PIN1: variants seen among roughly 807,000 people sequenced by gnomAD.
The protein encoded by PIN1 is peptidylprolyl cis/trans isomerase, NIMA-interacting 1.
Under a neutral mutation model 19.9 loss-of-function variants are expected in PIN1, and 8 were observed. The ratio of observed to expected loss-of-function variants is 0.40; its 90% CI spans 0.24 to 0.72. The LOEUF (loss-of-function observed/expected upper bound fraction) is 0.72. Ranked by LOEUF, PIN1 falls within the 30% of genes least tolerant of loss-of-function variation. The probability of loss-of-function intolerance (pLI) is 0.37; values close to 1 mark genes in which losing one functional copy is unlikely to be tolerated. For synonymous variants in PIN1, 86 were observed against 90.8 expected (o/e 0.95, Z 0.30); for missense variants, 185 against 226.5 (o/e 0.82, Z 1.18).
intron 2 of PIN1, among the ~76,000 whole-genome samples, chr19:9,843,918 C>T (rs1367054099): frequency 2.6e-5 from 4 of 152,068 alleles, no homozygotes; most frequent in Admixed American, 6.6e-5. Flanking sequence ...GATGTAGTGG[C>T]GCACACCTGT....
chr19:9,836,888 T>G, intron 1 of PIN1: 1 of 1,276,864 alleles, frequency 7.8e-7, no homozygotes, highest in Non-Finnish European at 1.0e-6. Flanking sequence ...GAGGTCTCCG[T>G]TTTGCCATCT....
At chr19:9,847,738 G>A (rs911325880) in intron 2 of PIN1, among the ~76,000 whole-genome samples, 21 of 152,176 alleles carry the variant, frequency 1.4e-4, no homozygotes, top group African/African-American at 4.8e-4. Flanking sequence ...GACAGCGGGA[G>A]CAGGGATGTG....
rs763464967 is a variant in PIN1 at position 9,849,196 on chromosome 19, G to A, written c.489G>A (p.Glu163=). 9.4e-6 allele frequency: 15 copies of A among 1,603,818 alleles called. No individual in the cohort carries two copies. Among genetic ancestry groups the A allele is most frequent in the Non-Finnish European group, 1.3e-5 (15 of 1,172,478 alleles). Residue 163 remains glutamate, a synonymous_variant, in exon 4 of 4, where the codon GAG becomes GAA. Transcript: ENST00000247970. ...DSGIHIILRT[E] is the part of the protein sequence containing the mutation. ...GCATCCACATCATCCTCCGCACTGAGTGAGGGTGGGGAGCCCAGGCCTGGC... is the reference window on the plus strand; with the variant it reads ...GCATCCACATCATCCTCCGCACTGAATGAGGGTGGGGAGCCCAGGCCTGGC...
chr19:9,836,714 G>A (rs2046109953), intron 1 of PIN1: 8 of 645,544 alleles, frequency 1.2e-5, no homozygotes, highest in African/African-American at 3.7e-5. Context: ...CAGTAATGCT[G>A]GTTCCTAGCT....
At chr19:9,843,903 A>G (rs1305470104) in intron 2 of PIN1, among the ~76,000 whole-genome samples, 1 of 152,134 alleles carries the variant, frequency 6.6e-6, no homozygotes, top group Non-Finnish European at 1.5e-5. Flanking sequence ...CTAAAAAAAA[A>G]GCCAGATGTA....
At chr19:9,836,855 C>T in intron 1 of PIN1, 1 of 1,286,844 alleles carries the variant, frequency 7.8e-7, no homozygotes, top group Non-Finnish European at 1.0e-6. Context: ...CCCACTGCTG[C>T]CATTCCCAGA....
intron 2 of PIN1, among the ~76,000 whole-genome samples, chr19:9,840,171 G>A (rs951064451): frequency 1.3e-5 from 2 of 152,122 alleles, no homozygotes; most frequent in African/African-American, 4.8e-5. Flanking sequence ...GGTGGATCAC[G>A]AAGTCAGGAG....
Position 9,848,156 on chromosome 19 carries a change from G to T in PIN1, c.382+16G>T, listed in dbSNP as rs866107708. The T allele has an allele frequency of 1.3e-6, 2 of 1,483,488 alleles. No homozygotes were observed. Among genetic ancestry groups the T allele is most frequent in the Non-Finnish European group, 1.9e-6 (2 of 1,060,950 alleles). The allele number at this position is 1,483,488 out of a possible 1,614,324, so 91.9% of individuals were successfully genotyped here. ...TTCAGCAGAGGTGCGCAAGGAATGGGCCTCACCAGGTTGGGGGACCCTTAC... is the reference window on the plus strand; with the variant it reads ...TTCAGCAGAGGTGCGCAAGGAATGGTCCTCACCAGGTTGGGGGACCCTTAC... On this transcript the variant is annotated intron_variant, in intron 3 of 3. Transcript: ENST00000247970.
chr19:9,847,988 C>CA (rs1300083166), intron 2 of PIN1, 42 bp from the exon 3 acceptor site: 4 of 1,305,834 alleles, frequency 3.1e-6, no homozygotes, highest in East Asian at 2.3e-5. Flanking sequence ...AGGCCCCCCC[C>CA]AACCCCTGAC....
At position 9,846,885 on chromosome 19, in the gene PIN1, G is replaced by A. The variant is rs550132808; in HGVS notation, c.272-1145G>A. 1.1e-4 allele frequency among the ~76,000 whole-genome samples: 16 copies of A among 152,204 alleles called. 1 individual carries two copies. The highest frequency in any genetic ancestry group is 2.2e-4 in the Non-Finnish European group (15 of 68,010). On this transcript the variant is annotated intron_variant, in intron 2 of 3. Coordinates refer to ENST00000247970, the MANE Select transcript of PIN1 (RefSeq NM_006221.4). This position sits in a 1 kb window ranked among gnomAD's most constrained non-coding sequence, Gnocchi z 5.9. ...GACCTTCACGTTGGAGAGAAGAACTGGTGTCCCTGGAGAGTGGCTGCCAGG... is the reference window on the plus strand; with the variant it reads ...GACCTTCACGTTGGAGAGAAGAACTAGTGTCCCTGGAGAGTGGCTGCCAGG...
At chr19:9,845,428 G>A (rs1017896567) in intron 2 of PIN1, among the ~76,000 whole-genome samples, 8 of 150,748 alleles carry the variant, frequency 5.3e-5, no homozygotes, top group Non-Finnish European at 1.5e-5. Context: ...TTTCGCTCTT[G>A]TTGCCCACGC....
intron 2 of PIN1, among the ~76,000 whole-genome samples, chr19:9,842,322 CA>C (rs1235641874): frequency 1.3e-5 from 2 of 152,170 alleles, no homozygotes; most frequent in African/African-American, 4.8e-5. Flanking sequence ...TGGGCTCGTA[CA>C]GGGCTGGATT....
chr19:9,836,089 T>G (rs1418186671), intron 1 of PIN1: 4 of 152,196 alleles, frequency 2.6e-5, no homozygotes, highest in African/African-American at 4.8e-5. Flanking sequence ...ATCATTCATT[T>G]CAGGGGCCGG....
chr19:9,845,377 T>TTTG (rs1555721945), intron 2 of PIN1, among the ~76,000 whole-genome samples: 1 of 48,452 alleles, frequency 2.1e-5, no homozygotes, highest in Non-Finnish European at 5.8e-5. Flanking sequence ...GAAAGCGTTT[T>TTTG]TTTGTTTGTT....
intron 2 of PIN1, 149 bp from the exon 3 acceptor site, chr19:9,847,881 G>C: frequency 2.9e-6 from 2 of 679,580 alleles, no homozygotes; most frequent in East Asian, 5.4e-5. Flanking sequence ...TGAGGAGAGG[G>C]GTTGTGGGGA....
chr19:9,843,320 T>C (rs1271597378), intron 2 of PIN1, among the ~76,000 whole-genome samples: 1 of 152,250 alleles, frequency 6.6e-6, no homozygotes, highest in Non-Finnish European at 1.5e-5. Flanking sequence ...TGGATCTTGG[T>C]CTTCTCAGAT....
In PIN1 at chr19:9,849,684, C is replaced by G. The variant is rs769551257; in HGVS notation, c.*485C>G. On this transcript the variant is annotated 3_prime_UTR_variant, in exon 4 of 4. Coordinates refer to ENST00000247970, the MANE Select transcript of PIN1 (RefSeq NM_006221.4). ...CCCCCAATTAAACCCAGAACCACTG[C>G]TCTGCTCTCCTGTGTCTCATTTCTC... is the stretch of plus-strand genomic sequence containing the variant. The G allele has an allele frequency of 3.4e-5, 17 of 494,002 alleles. No individual in the cohort carries two copies. Among genetic ancestry groups the G allele is most frequent in the East Asian group, 1.1e-4 (2 of 17,458 alleles). The allele number at this position is 494,002 out of a possible 1,614,324, so 30.6% of individuals were successfully genotyped here. A position where few individuals can be genotyped will look rare whatever the true frequency, so the allele number is the denominator to read the frequency against.
intron 2 of PIN1, among the ~76,000 whole-genome samples, chr19:9,847,064 C>T (rs1444404685): frequency 6.6e-6 from 1 of 152,122 alleles, no homozygotes; most frequent in Non-Finnish European, 1.5e-5. Context: ...CCCATGGGCA[C>T]CTTCCTGGGG....
intron 3 of PIN1, chr19:9,848,710 T>C (rs2046245310): frequency 3.4e-6 from 1 of 294,224 alleles, no homozygotes; most frequent in South Asian, 3.8e-5. Flanking sequence ...CTTAGTGGGG[T>C]GGGGCGGCAG....
Sources: allele counts gnomAD v4.1 joint callset (sites outside exome capture counted in the v4.1 genomes callset), GRCh38; gene constraint gnomAD v4.1.1; non-coding constraint Gnocchi (gnomAD v3.1); transcripts MANE v1.5; gene names NCBI Gene and HGNC (gene_info 2026-07-23, HGNC 2026-07-21).